The following LRP1B variants were observed in gnomAD, a reference collection of about 807,000 sequenced individuals.
LRP1B encodes the protein low-density lipoprotein receptor-related protein 1B.
In LRP1B, 217 loss-of-function variants were observed where a neutral mutation model predicts 556.6. That is an observed-to-expected ratio of 0.39 (90% CI 0.35 to 0.44). The LOEUF is 0.44. Among genes scored for constraint, LRP1B ranks in the 20% least tolerant of loss-of-function variants. The probability of loss-of-function intolerance (pLI) is 1.00; values close to 1 mark genes in which losing one functional copy is unlikely to be tolerated. For synonymous variants in LRP1B, 2,047 were observed against 1,865.8 expected (o/e 1.10, Z -2.50); for missense variants, 5,053 against 5,620.8 (o/e 0.90, Z 3.23).
intron 3 of LRP1B, among the ~76,000 whole-genome samples, chr2:141,286,219 C>T (rs1685716119): frequency 6.6e-6 from 1 of 151,920 alleles, no homozygotes; most frequent in Non-Finnish European, 1.5e-5. Flanking sequence ...TTGAAATGTT[C>T]ATATACTTTT....
At chr2:141,806,204 G>T (rs896000381) in intron 2 of LRP1B, among the ~76,000 whole-genome samples, 2 of 152,020 alleles carry the variant, frequency 1.3e-5, no homozygotes, top group Non-Finnish European at 2.9e-5. Flanking sequence ...GAATAAAAGT[G>T]CCTTTCAAGA....
At chr2:141,254,700 T>A (rs1224003555) in intron 3 of LRP1B, 59 bp from the exon 4 acceptor site, 1 of 1,350,302 alleles carries the variant, frequency 7.4e-7, no homozygotes, top group Non-Finnish European at 1.0e-6. Context: ...ATAGTTTGTA[T>A]TTCTCAGTGT....
At chr2:140,911,491 C>A (rs1418947272) in intron 21 of LRP1B, among the ~76,000 whole-genome samples, 1 of 151,736 alleles carries the variant, frequency 6.6e-6, no homozygotes, top group African/African-American at 2.4e-5. Flanking sequence ...TGCAGTGAAG[C>A]CTAACAGATT....
chr2:141,905,532 A>G (rs555905813), intron 1 of LRP1B, among the ~76,000 whole-genome samples: 4 of 151,770 alleles, frequency 2.6e-5, no homozygotes, highest in Admixed American at 2.0e-4. Flanking sequence ...TAAATTGTCA[A>G]GTGATGGTTC....
chr2:140,325,999 A>T (rs1203829454), intron 79 of LRP1B, 121 bp from the exon 80 acceptor site: 1 of 636,424 alleles, frequency 1.6e-6, no homozygotes, highest in Non-Finnish European at 2.8e-6. Context: ...CATAGAAATT[A>T]CCTGGTGCCC....
intron 1 of LRP1B, among the ~76,000 whole-genome samples, chr2:141,854,015 T>C (rs1005220365): frequency 6.6e-6 from 1 of 151,982 alleles, no homozygotes; most frequent in African/African-American, 2.4e-5. Flanking sequence ...CCAGGTTATT[T>C]ATGGGATAAT....
chr2:142,125,515 T>C (rs1164232576), intron 1 of LRP1B, among the ~76,000 whole-genome samples: 2 of 151,852 alleles, frequency 1.3e-5, no homozygotes, highest in Non-Finnish European at 3.0e-5. Flanking sequence ...TTTTAAAAAC[T>C]CAAATTATTT....
chr2:141,570,295 C>A (rs941753310), intron 2 of LRP1B, among the ~76,000 whole-genome samples: 1 of 150,202 alleles, frequency 6.7e-6, no homozygotes, highest in African/African-American at 2.4e-5. Flanking sequence ...TGTAGTGTGA[C>A]GGCCCACCTG....
rs180960569 is a variant in LRP1B, at chr2:141,734,676, C to T, written c.205+75603G>A. On this transcript the variant is annotated intron_variant, in intron 2 of 90. Coordinates refer to ENST00000389484, the MANE Select transcript of LRP1B (RefSeq NM_018557.3). ...TATTTTTTAAAATAATTTTTAAGGG[C>T]CTCTCTGCCTGTCTCCTTGGCATTA... 1.4e-3 allele frequency among the ~76,000 whole-genome samples: 206 copies of T among 152,148 alleles called. 2 individuals are homozygous for T. The highest frequency in any genetic ancestry group is 4.7e-3 in the African/African-American group (197 of 41,524).
chr2:140,501,634 T>C (rs1689192886), intron 55 of LRP1B, 53 bp downstream of exon 55: 1 of 1,340,506 alleles, frequency 7.5e-7, no homozygotes, highest in Non-Finnish European at 1.0e-6. Context: ...ATAGCTTTCT[T>C]AACCTCCAAT....
At chr2:141,382,294 C>T (rs1689670591) in intron 3 of LRP1B, among the ~76,000 whole-genome samples, 1 of 152,230 alleles carries the variant, frequency 6.6e-6, no homozygotes, top group Non-Finnish European at 1.5e-5. Flanking sequence ...GCCCATAATT[C>T]ATAGCCCAGT....
At chr2:141,261,787 C>T (rs1430047078) in intron 3 of LRP1B, among the ~76,000 whole-genome samples, 1 of 152,058 alleles carries the variant, frequency 6.6e-6, no homozygotes, top group African/African-American at 2.4e-5. Context: ...TCATTCATTT[C>T]ACAAGTAACA....
At chr2:141,232,662 T>C (rs1164002900) in intron 5 of LRP1B, among the ~76,000 whole-genome samples, 4 of 152,296 alleles carry the variant, frequency 2.6e-5, no homozygotes, top group Non-Finnish European at 5.9e-5. Context: ...GTGAAAAACA[T>C]ATCGACCACT....
At chr2:141,268,927 G>C (rs190713036) in intron 3 of LRP1B, among the ~76,000 whole-genome samples, 77 of 152,276 alleles carry the variant, frequency 5.1e-4, no homozygotes, top group Admixed American at 1.6e-3. Context: ...TCATAGGGCA[G>C]TGATTCCAAG....
chr2:140,424,213 A>T (rs535807162), intron 66 of LRP1B, among the ~76,000 whole-genome samples: 2 of 152,338 alleles, frequency 1.3e-5, no homozygotes, highest in East Asian at 3.9e-4. Flanking sequence ...CTTTTTATCC[A>T]GTCAAAATTA....
At chr2:140,240,013 C>G (rs1167297372) in intron 87 of LRP1B, among the ~76,000 whole-genome samples, 1 of 150,816 alleles carries the variant, frequency 6.6e-6, no homozygotes, top group Non-Finnish European at 1.5e-5. Context: ...AAAGGGGTAT[C>G]AGTGTTTGAT....
At chr2:140,313,927 T>G (rs1684412143) in intron 83 of LRP1B, among the ~76,000 whole-genome samples, 2 of 151,960 alleles carry the variant, frequency 1.3e-5, no homozygotes, top group East Asian at 3.9e-4. Flanking sequence ...TATGAATTAA[T>G]AAGAAAATAT....
chr2:141,115,625 T>TTC (rs531842580), intron 7 of LRP1B, among the ~76,000 whole-genome samples: 1 of 91,494 alleles, frequency 1.1e-5, no homozygotes, highest in Non-Finnish European at 2.3e-5. Context: ...CCCGGCTAAT[T>TTC]TGTGTGTGTG....
At chr2:142,079,138 T>C (rs570237966) in intron 1 of LRP1B, among the ~76,000 whole-genome samples, 1 of 152,292 alleles carries the variant, frequency 6.6e-6, no homozygotes, top group South Asian at 2.1e-4. Flanking sequence ...CTAGATGATA[T>C]AGCCCTGAAA....
Sources: gnomAD v4.1 joint callset for allele counts (sites outside exome capture counted in the v4.1 genomes callset) on GRCh38, gnomAD v4.1.1 for gene constraint, MANE v1.5 for transcripts, NCBI Gene and HGNC (gene_info 2026-07-23, HGNC 2026-07-21) for gene names.